Variants in MAP2K6 observed in about 807,000 individuals in gnomAD.
The protein encoded by MAP2K6 is dual specificity mitogen-activated protein kinase kinase 6.
MAP2K6 carries 16 observed loss-of-function variants against 53.7 expected under a neutral mutation model. The observed-to-expected ratio is 0.30, with a 90% confidence interval of 0.20 to 0.45. MAP2K6 has a LOEUF of 0.45. MAP2K6 is among the 20% of genes least tolerant of loss of function. The pLI is 1.00. For synonymous variants in MAP2K6, 132 were observed against 143.1 expected (o/e 0.92, Z 0.55); for missense variants, 204 against 411.9 (o/e 0.50, Z 4.37).
At chr17:69,522,789 C>T (rs1484436191) in intron 7 of MAP2K6, among the ~76,000 whole-genome samples, 1 of 151,652 alleles carries the variant, frequency 6.6e-6, no homozygotes, top group Non-Finnish European at 1.5e-5. Context: ...GGCTTGGTGG[C>T]TCACACCTGT....
intron 1 of MAP2K6, among the ~76,000 whole-genome samples, chr17:69,475,600 G>A (rs1352348255): frequency 6.6e-6 from 1 of 152,224 alleles, no homozygotes; most frequent in Non-Finnish European, 1.5e-5. Context: ...AACTTCAGAA[G>A]TCTTATGTTG....
At chr17:69,449,517 GTCTTTCTTTCTTTGTCTT>G (rs1212711730) in intron 1 of MAP2K6, among the ~76,000 whole-genome samples, 1,127 of 96,922 alleles carry the variant, frequency 0.012, 11 homozygotes, top group African/African-American at 0.062. Context: ...TTCTTTCTTT[GTCTTTCTTTCTTTGTCTT>G]TCTTTCTTTC....
intron 1 of MAP2K6, among the ~76,000 whole-genome samples, chr17:69,501,983 G>A (rs2145215731): frequency 6.6e-6 from 1 of 151,464 alleles, no homozygotes; most frequent in East Asian, 1.9e-4. Flanking sequence ...CTTCCTGGGG[G>A]AACAGATTGC....
chr17:69,457,467 C>T (rs1907452497), intron 1 of MAP2K6, among the ~76,000 whole-genome samples: 1 of 152,180 alleles, frequency 6.6e-6, no homozygotes, highest in Non-Finnish European at 1.5e-5. Context: ...GTCTGTCCTT[C>T]CCTGGGGGCT....
rs1912064393 is a variant in MAP2K6 at position 69,550,771 on chromosome 17, G to C, written c.*9018G>C. 6.6e-6 allele frequency: 1 copy of C among 152,060 alleles called. No homozygotes were observed. The highest frequency in any genetic ancestry group is 6.6e-5 in the Admixed American group (1 of 15,258). The allele number at this position is 152,060 out of a possible 1,614,324, so 9.4% of individuals were successfully genotyped here. On this transcript the variant is annotated 3_prime_UTR_variant, in exon 12 of 12. Transcript: ENST00000590474. Reference sequence around the variant, plus strand: ...TGTCAACCTCCAGTCAGAATATCTGGCTTCTAGTATTGTTCCTTTTAACTG... The same window carrying C: ...TGTCAACCTCCAGTCAGAATATCTGCCTTCTAGTATTGTTCCTTTTAACTG...
rs1421927641 is a variant in MAP2K6, at chr17:69,546,265, C to T, written c.*4512C>T. 2.0e-5 allele frequency: 3 copies of T among 152,132 alleles called. No homozygotes were observed. Among genetic ancestry groups the T allele is most frequent in the Non-Finnish European group, 2.9e-5 (2 of 68,026 alleles). 9.4% of individuals were successfully genotyped at this position (152,132 alleles called of 1,614,324 possible). On this transcript the variant is annotated 3_prime_UTR_variant, in exon 12 of 12. Coordinates refer to ENST00000590474, the MANE Select transcript of MAP2K6 (RefSeq NM_002758.4). ...CATTGGCTAATTCATTTTTTAACTG[C>T]AACCCTACTCTTCTTTGCTGTTCAT...
At chr17:69,461,220 T>C (rs1298059288) in intron 1 of MAP2K6, among the ~76,000 whole-genome samples, 2 of 152,202 alleles carry the variant, frequency 1.3e-5, no homozygotes, top group African/African-American at 4.8e-5. Context: ...TTGAAATGAT[T>C]GAAAGAAAAC....
intron 1 of MAP2K6, among the ~76,000 whole-genome samples, chr17:69,488,006 CTAGAG>C (rs1305990292): frequency 1.3e-5 from 2 of 152,056 alleles, no homozygotes; most frequent in African/African-American, 4.8e-5. Context: ...GAAACTAACA[CTAGAG>C]TAAACAGACA....
intron 1 of MAP2K6, among the ~76,000 whole-genome samples, chr17:69,484,964 A>G (rs947384149): frequency 1.3e-5 from 2 of 152,108 alleles, no homozygotes; most frequent in Non-Finnish European, 2.9e-5. Flanking sequence ...GATAATGGGT[A>G]TGGTGTTTTT....
At chr17:69,468,606 T>C (rs1487532594) in intron 1 of MAP2K6, among the ~76,000 whole-genome samples, 1 of 152,148 alleles carries the variant, frequency 6.6e-6, no homozygotes, top group Non-Finnish European at 1.5e-5. Flanking sequence ...GGGCTGTCCT[T>C]GATGATGACA....
chr17:69,501,637 C>G (rs1010732323), intron 1 of MAP2K6: 1 of 152,056 alleles, frequency 6.6e-6, no homozygotes, highest in Non-Finnish European at 1.5e-5. Flanking sequence ...CACAGTCATG[C>G]GGGTAACAGG....
At chr17:69,481,067 G>A (rs1266204123) in intron 1 of MAP2K6, among the ~76,000 whole-genome samples, 3 of 152,236 alleles carry the variant, frequency 2.0e-5, no homozygotes, top group East Asian at 3.9e-4. Flanking sequence ...CATCCACATT[G>A]GTATGCATCT....
chr17:69,448,471 G>T lies in MAP2K6; in HGVS notation c.16+33471G>T, dbSNP rs139989870. The stretch of plus-strand genomic sequence containing the variant: ...ACCTTTCTGTTCCCAGCCCGAAGCT[G>T]GAGGTCTGTGGTTCCCCCATGGCTG... On this transcript the variant is annotated intron_variant, in intron 1 of 11. Transcript: ENST00000590474. Among the ~76,000 whole-genome samples, 466 of 152,304 alleles carry T rather than the reference G, an allele frequency of 3.1e-3. 2 individuals carry two copies. Among genetic ancestry groups the T allele is most frequent in the Non-Finnish European group, 5.3e-3 (358 of 68,022 alleles).
At chr17:69,416,446 G>A (rs1443174572) in intron 1 of MAP2K6, among the ~76,000 whole-genome samples, 1 of 152,198 alleles carries the variant, frequency 6.6e-6, no homozygotes, top group African/African-American at 2.4e-5. Context: ...AGAAATAATA[G>A]TTCAGAAGAG....
chr17:69,424,982 T>G (rs749898338), intron 1 of MAP2K6, among the ~76,000 whole-genome samples: 4 of 152,236 alleles, frequency 2.6e-5, no homozygotes, highest in Non-Finnish European at 5.9e-5. Flanking sequence ...GTTCTGTAGG[T>G]TGTATCACAC....
intron 1 of MAP2K6, among the ~76,000 whole-genome samples, chr17:69,486,413 A>T (rs1215131947): frequency 6.6e-6 from 1 of 152,210 alleles, no homozygotes; most frequent in Non-Finnish European, 1.5e-5. Flanking sequence ...TGTTCATTTC[A>T]CTTTGAATGT....
intron 1 of MAP2K6, among the ~76,000 whole-genome samples, chr17:69,435,918 G>A (rs554212213): frequency 6.6e-6 from 1 of 151,908 alleles, no homozygotes; most frequent in Non-Finnish European, 1.5e-5. Context: ...TCTGCCCTCT[G>A]TGGCCTCCCA....
chr17:69,524,887 T>C lies in MAP2K6; in HGVS notation c.664-14T>C. The C allele has an allele frequency of 2.5e-6, 4 of 1,604,294 alleles. No homozygotes were observed. The highest frequency in any genetic ancestry group is 3.4e-6 in the Non-Finnish European group (4 of 1,171,476). On this transcript the variant is annotated splice_polypyrimidine_tract_variant and intron_variant, in intron 8 of 11. Coordinates refer to ENST00000590474, the MANE Select transcript of MAP2K6 (RefSeq NM_002758.4). Reference sequence around the variant, plus strand: ...TTGTCTTCCCAGTTTCTCAGTTGTCTGTCTTCTTTCCAGCCTGAAAGAATA... The same window carrying C: ...TTGTCTTCCCAGTTTCTCAGTTGTCCGTCTTCTTTCCAGCCTGAAAGAATA...
Position 69,414,889 on chromosome 17 carries a change from C to A in MAP2K6, c.-96C>A. The A allele has an allele frequency of 1.8e-6, 2 of 1,122,624 alleles. No individual in the cohort carries two copies. Among genetic ancestry groups the A allele is most frequent in the South Asian group, 1.3e-5 (1 of 76,650 alleles). 69.5% of individuals were successfully genotyped at this position (1,122,624 alleles called of 1,614,324 possible). On this transcript the variant is annotated 5_prime_UTR_variant, in exon 1 of 12. Coordinates refer to ENST00000590474, the MANE Select transcript of MAP2K6 (RefSeq NM_002758.4). ...AAACTCCACTTGCATGAAGATTGCA[C>A]GCCTGCAGCTTGCATCTTTGTTGCA...
Sources: gnomAD v4.1 joint callset for allele counts (sites outside exome capture counted in the v4.1 genomes callset) on GRCh38, gnomAD v4.1.1 for gene constraint, MANE v1.5 for transcripts, NCBI Gene and HGNC (gene_info 2026-07-23, HGNC 2026-07-21) for gene names.